MALRD1: variants seen among roughly 807,000 people sequenced by gnomAD.
MALRD1 encodes the protein MAM and LDL receptor class A domain containing 1, also known as MAM and LDL-receptor class A domain-containing protein 1.
A neutral mutation model predicts 242.1 loss-of-function variants in MALRD1; 247 were observed. The observed-to-expected ratio is 1.02, with a 90% CI of 0.92 to 1.13. The LOEUF is 1.13. Among genes scored for constraint, MALRD1 ranks in the 50% most tolerant of loss-of-function variants. MALRD1 has a pLI of 0.00. For synonymous variants in MALRD1, 995 were observed against 866.6 expected (o/e 1.15, Z -2.60); for missense variants, 2,989 against 2,533.1 (o/e 1.18, Z -3.86).
intron 29 of MALRD1, chr10:19,488,552 C>T (rs1426706467): frequency 6.5e-6 from 1 of 152,826 alleles, no homozygotes; most frequent in African/African-American, 2.4e-5. Flanking sequence ...GCAGCGGGCA[C>T]CTGGGGCTCT....
chr10:19,271,638 C>G (rs909771036), intron 19 of MALRD1, among the ~76,000 whole-genome samples: 11 of 152,076 alleles, frequency 7.2e-5, no homozygotes, highest in Non-Finnish European at 1.5e-4. Context: ...TGGCACACAC[C>G]TGTAGTCCCA....
intron 33 of MALRD1, among the ~76,000 whole-genome samples, chr10:19,588,706 A>G (rs1231867415): frequency 1.3e-5 from 2 of 152,164 alleles, no homozygotes; most frequent in African/African-American, 4.8e-5. Context: ...GCAATGGCGC[A>G]ACCTCTGCTC....
At chr10:19,661,039 C>T (rs1841404329) in intron 36 of MALRD1, among the ~76,000 whole-genome samples, 1 of 152,148 alleles carries the variant, frequency 6.6e-6, no homozygotes. Flanking sequence ...AAAAAATGCT[C>T]ATCATCAGTG....
intron 38 of MALRD1, among the ~76,000 whole-genome samples, chr10:19,697,636 C>T (rs1442715191): frequency 6.6e-6 from 1 of 152,136 alleles, no homozygotes; most frequent in East Asian, 1.9e-4. Flanking sequence ...TCTCCAGATT[C>T]ATGTTGAACA....
In MALRD1 at chr10:19,113,830, C is replaced by CAG. The variant is rs1554791178; in HGVS notation, c.695-9660_695-9659dup. On this transcript the variant is annotated intron_variant, in intron 5 of 39. Transcript: ENST00000454679. ...ACACACACACACACACACACACACA[C>CAG]AGACACACACACACAGACACATGTG... Among the ~76,000 whole-genome samples the CAG allele has an allele frequency of 3.5e-5, 5 of 144,688 alleles. No individual in the cohort carries two copies. In the East Asian group the frequency reaches 1.0e-3, roughly 29 times the overall value. The allele number at this position is 144,688 out of a possible 152,430, so 94.9% of individuals were successfully genotyped here.
At chr10:19,345,234 G>GATCT (rs113018427) in intron 24 of MALRD1, among the ~76,000 whole-genome samples, 116,079 of 151,360 alleles carry the variant, frequency 0.77, 44,877 homozygotes, top group African/African-American at 0.85. Flanking sequence ...ACATTATAAA[G>GATCT]ATTTAGCAGT....
chr10:19,415,126 T>C (rs1009359356), intron 28 of MALRD1, among the ~76,000 whole-genome samples: 2 of 152,164 alleles, frequency 1.3e-5, no homozygotes, highest in African/African-American at 2.4e-5. Flanking sequence ...TTTGTTGTTG[T>C]TTAAACACCA....
rs1834811628 is a variant in MALRD1, at chr10:19,168,989, C to T, written c.1830+3179C>T. 2.0e-5 allele frequency among the ~76,000 whole-genome samples: 3 copies of T among 152,162 alleles called. No individual in the cohort carries two copies. In the South Asian group the frequency reaches 6.2e-4, roughly 31 times the overall value. ...AAAATAAGAAAAAAAAATTCCCTCA[C>T]ATTTCACTCTCAAGAAGGCCAAGAC... On this transcript the variant is annotated intron_variant, in intron 13 of 39. Transcript: ENST00000454679.
At chr10:19,374,485 AGTTCTATG>A (rs1364407538) in intron 26 of MALRD1, among the ~76,000 whole-genome samples, 1 of 152,214 alleles carries the variant, frequency 6.6e-6, no homozygotes, top group Non-Finnish European at 1.5e-5. Context: ...TATTTCCTGA[AGTTCTATG>A]CAAATTTTTG....
intron 5 of MALRD1, among the ~76,000 whole-genome samples, chr10:19,110,139 G>A (rs1186790644): frequency 6.6e-6 from 1 of 152,160 alleles, no homozygotes; most frequent in Non-Finnish European, 1.5e-5. Flanking sequence ...TTGTCAAAAT[G>A]TGCTTGTTTA....
At chr10:19,573,070 T>A (rs1448381527) in intron 33 of MALRD1, among the ~76,000 whole-genome samples, 1 of 152,144 alleles carries the variant, frequency 6.6e-6, no homozygotes, top group Non-Finnish European at 1.5e-5. Context: ...GTGCAGATGT[T>A]CATTACACAC....
At position 19,734,165 on chromosome 10, in the gene MALRD1, C is replaced by T; in HGVS notation, c.6399C>T (p.Val2133=). ...WSNPEKTESS[V]YSFSNPLYGT... is the part of the protein sequence containing the mutation. Reference sequence around the variant, plus strand: ...GTGTTTTTCTTCGTCAGAGTTCTGTCTATTCCTTCTCAAACCCATTATATG... The same window carrying T: ...GTGTTTTTCTTCGTCAGAGTTCTGTTTATTCCTTCTCAAACCCATTATATG... The change falls in exon 40 of 40, where the codon GTC becomes GTT. Residue 2133 remains valine (V), a synonymous_variant. Coordinates refer to ENST00000454679, the MANE Select transcript of MALRD1 (RefSeq NM_001142308.3). 1.3e-6 allele frequency: 2 copies of T among 1,534,934 alleles called. No homozygotes were observed. Among genetic ancestry groups the T allele is most frequent in the Non-Finnish European group, 1.7e-6 (2 of 1,146,388 alleles).
intron 26 of MALRD1, among the ~76,000 whole-genome samples, chr10:19,376,314 G>T (rs1356091582): frequency 6.6e-6 from 1 of 152,030 alleles, no homozygotes; most frequent in Non-Finnish European, 1.5e-5. Flanking sequence ...TAATAAGATG[G>T]TTAAGTTGTG....
intron 12 of MALRD1, among the ~76,000 whole-genome samples, chr10:19,162,727 G>A (rs1230559909): frequency 1.3e-5 from 2 of 151,626 alleles, no homozygotes; most frequent in Non-Finnish European, 2.9e-5. Context: ...GTGTAGATTA[G>A]TTCAACCATT....
intron 36 of MALRD1, among the ~76,000 whole-genome samples, chr10:19,625,083 G>A (rs1839590661): frequency 8.1e-6 from 1 of 122,878 alleles, no homozygotes; most frequent in Non-Finnish European, 1.8e-5. Flanking sequence ...AGAGAGACAT[G>A]AGACATGGTG....
intron 27 of MALRD1, 154 bp from the exon 28 acceptor site, chr10:19,389,298 G>A (rs754719980): frequency 3.4e-5 from 28 of 833,214 alleles, no homozygotes; most frequent in South Asian, 2.6e-4. Flanking sequence ...AGCTAGAGGC[G>A]AGGCTATTAG....
intron 29 of MALRD1, among the ~76,000 whole-genome samples, chr10:19,487,915 A>G (rs1837306700): frequency 6.6e-6 from 1 of 152,184 alleles, no homozygotes. Context: ...TTATGGGCAT[A>G]ATCCAAAGAC....
chr10:19,539,875 T>A (rs1411379905), intron 32 of MALRD1, among the ~76,000 whole-genome samples: 1 of 78,602 alleles, frequency 1.3e-5, no homozygotes, highest in African/African-American at 5.0e-5. Context: ...TGTGTGTGTG[T>A]GTGTGTGTGT....
intron 1 of MALRD1, among the ~76,000 whole-genome samples, chr10:19,054,030 A>T (rs1169068040): frequency 6.6e-6 from 1 of 152,128 alleles, no homozygotes; most frequent in Non-Finnish European, 1.5e-5. Context: ...TCTAGTGTTG[A>T]TGAGAATCCC....
Sources: gnomAD v4.1 joint callset for allele counts (sites outside exome capture counted in the v4.1 genomes callset) on GRCh38, gnomAD v4.1.1 for gene constraint, MANE v1.5 for transcripts, NCBI Gene and HGNC (gene_info 2026-07-23, HGNC 2026-07-21) for gene names.